The following DTNB variants were observed in gnomAD, a reference collection of about 807,000 sequenced individuals.
DTNB encodes DTN-B.
DTNB carries 63 observed loss-of-function variants against 90.7 expected under a neutral mutation model. The ratio of observed to expected loss-of-function variants is 0.69; its 90% CI spans 0.57 to 0.86. The LOEUF is 0.86. Among genes scored for constraint, DTNB ranks in the 40% least tolerant of loss-of-function variants. DTNB has a pLI of 0.00. For synonymous variants in DTNB, 277 were observed against 286.7 expected, an observed-to-expected ratio of 0.97 and a Z score of 0.34; for missense variants, 744 against 807.1, an observed-to-expected ratio of 0.92 and a Z score of 0.95.
intron 9 of DTNB, among the ~76,000 whole-genome samples, chr2:25,507,697 G>C (rs1402756154): frequency 6.6e-6 from 1 of 151,968 alleles, no homozygotes; most frequent in Admixed American, 6.6e-5. Context: ...TCTCTACAGC[G>C]GCCAGAAAGA....
chr2:25,634,273 CGGGA>C (rs1158803045), intron 3 of DTNB, among the ~76,000 whole-genome samples: 3 of 127,452 alleles, frequency 2.4e-5, no homozygotes, highest in Non-Finnish European at 3.5e-5. Flanking sequence ...CCGCCCCGTC[CGGGA>C]GGGAGGTGGG....
At chr2:25,653,346 T>C (rs1301054149) in intron 1 of DTNB, among the ~76,000 whole-genome samples, 2 of 151,280 alleles carry the variant, frequency 1.3e-5, no homozygotes, top group African/African-American at 2.4e-5. Context: ...GCTGCTGCCA[T>C]GTAAAAAGTG....
intron 16 of DTNB, 192 bp downstream of exon 16, chr2:25,419,323 T>A: frequency 1.3e-6 from 1 of 777,442 alleles, no homozygotes; most frequent in Middle Eastern, 2.3e-4. Flanking sequence ...AGTAAGAACA[T>A]GCTCTACTGG....
At chr2:25,628,757 C>T (rs964112838) in intron 3 of DTNB, among the ~76,000 whole-genome samples, 10 of 152,298 alleles carry the variant, frequency 6.6e-5, no homozygotes, top group South Asian at 2.1e-4. Flanking sequence ...TACTGTATTA[C>T]TTTAGCCGAG....
chr2:25,450,538 T>C (rs751879488), intron 12 of DTNB, among the ~76,000 whole-genome samples: 22 of 152,208 alleles, frequency 1.4e-4, no homozygotes, highest in Admixed American at 3.9e-4. Context: ...CTAGGTCCTT[T>C]GGTTCTCCAA....
Position 25,639,095 on chromosome 2 carries a change from C to A in DTNB, c.68-1G>T. ...CGTATGACATCAAAATTCTGAGCAC[C>A]TGAAAAAAGGCAAACAGAAATGCTC... On this transcript the variant is annotated splice_acceptor_variant, in intron 2 of 20. Transcript: ENST00000406818. LOFTEE classifies it high-confidence loss of function. 1 of 1,570,858 alleles carries A rather than the reference C, an allele frequency of 6.4e-7. No homozygotes were observed. The highest frequency in any genetic ancestry group is 2.3e-5 in the East Asian group (1 of 43,918).
chr2:25,422,362 T>C (rs1265350013), intron 15 of DTNB, among the ~76,000 whole-genome samples: 1 of 151,404 alleles, frequency 6.6e-6, no homozygotes, highest in Non-Finnish European at 1.5e-5. Context: ...GCAGAATTCA[T>C]CTGGTAAATG....
At chr2:25,463,172 T>C (rs1482351816) in intron 10 of DTNB, among the ~76,000 whole-genome samples, 2 of 152,192 alleles carry the variant, frequency 1.3e-5, no homozygotes, top group Non-Finnish European at 2.9e-5. Context: ...AATAGAACTC[T>C]TGATTCTTTC....
intron 9 of DTNB, among the ~76,000 whole-genome samples, chr2:25,514,525 G>A (rs866929681): frequency 7.5e-6 from 1 of 133,358 alleles, no homozygotes; most frequent in South Asian, 2.3e-4. Flanking sequence ...GACATGTGCT[G>A]GGTTATGTCA....
At chr2:25,473,798 C>T (rs555939107) in intron 10 of DTNB, among the ~76,000 whole-genome samples, 1 of 152,300 alleles carries the variant, frequency 6.6e-6, no homozygotes, top group African/African-American at 2.4e-5. Flanking sequence ...CCTCACTTTT[C>T]CTCGCCCCAC....
In DTNB at chr2:25,590,330, AG is replaced by A. The variant is rs567512186; in HGVS notation, c.603+5755del. On this transcript the variant is annotated intron_variant, in intron 6 of 20. Coordinates refer to ENST00000406818, the MANE Select transcript of DTNB (RefSeq NM_021907.5). ...GGTCCCGAGTTCCTGTCCCGTACCCAGGAAGACTGAGGTATGTGGAAAAGTG... is the reference window on the plus strand; with the variant it reads ...GGTCCCGAGTTCCTGTCCCGTACCCAGAAGACTGAGGTATGTGGAAAAGTG... Among the ~76,000 whole-genome samples, 230 of 152,318 alleles carry A rather than the reference AG, an allele frequency of 1.5e-3. 3 individuals are homozygous for A. The highest frequency in any genetic ancestry group is 4.5e-3 in the African/African-American group (187 of 41,562).
intron 14 of DTNB, among the ~76,000 whole-genome samples, chr2:25,432,031 G>A (rs1470511341): frequency 6.6e-6 from 1 of 151,908 alleles, no homozygotes; most frequent in Non-Finnish European, 1.5e-5. Context: ...AACATCTACA[G>A]AAAACAATAA....
intron 9 of DTNB, among the ~76,000 whole-genome samples, chr2:25,523,897 C>CTT (rs869167435): frequency 1.9e-4 from 22 of 115,828 alleles, no homozygotes; most frequent in South Asian, 5.4e-4. Flanking sequence ...GTCATCTGTA[C>CTT]TTTTTTTTTT....
intron 8 of DTNB, among the ~76,000 whole-genome samples, chr2:25,550,424 A>G (rs1029825225): frequency 2.0e-5 from 3 of 152,048 alleles, no homozygotes; most frequent in African/African-American, 7.3e-5. Flanking sequence ...AAACAAACAA[A>G]AAAAAACACG....
intron 9 of DTNB, among the ~76,000 whole-genome samples, chr2:25,508,291 T>C (rs1424928914): frequency 6.6e-6 from 1 of 152,126 alleles, no homozygotes; most frequent in African/African-American, 2.4e-5. Context: ...AATCTGAAGA[T>C]AACGAAAGGA....
At chr2:25,440,344 G>C (rs2150038057) in intron 12 of DTNB, among the ~76,000 whole-genome samples, 1 of 152,346 alleles carries the variant, frequency 6.6e-6, no homozygotes, top group African/African-American at 2.4e-5. Context: ...ATGAGTTGGA[G>C]ACTCCATAGA....
At position 25,564,409 on chromosome 2, in the gene DTNB, C is replaced by T. The variant is rs1248122242; in HGVS notation, c.876+12429G>A. 2.0e-5 allele frequency among the ~76,000 whole-genome samples: 3 copies of T among 152,048 alleles called. No homozygotes were observed. The East Asian group carries it at 5.8e-4, about 29-fold the overall frequency. ...TTTGTTATTTTTTTTGAGATGGAGT[C>T]TCTCTCTGTCACCCACGATGGAGCA... is the stretch of plus-strand genomic sequence containing the variant. On this transcript the variant is annotated intron_variant, in intron 8 of 20. Coordinates refer to ENST00000406818, the MANE Select transcript of DTNB (RefSeq NM_021907.5).
intron 4 of DTNB, 118 bp from the exon 5 acceptor site, chr2:25,607,439 TACC>T: frequency 1.0e-6 from 1 of 974,208 alleles, no homozygotes; most frequent in African/African-American, 1.7e-5. Context: ...GTTACAATTT[TACC>T]ACATTTAGAA....
At chr2:25,482,542 C>T (rs2065179320) in intron 10 of DTNB, among the ~76,000 whole-genome samples, 1 of 152,068 alleles carries the variant, frequency 6.6e-6, no homozygotes, top group Admixed American at 6.6e-5. Flanking sequence ...GCCACCACTG[C>T]TTGTCACAAA....
Sources: gnomAD v4.1 joint callset for allele counts (sites outside exome capture counted in the v4.1 genomes callset) on GRCh38, gnomAD v4.1.1 for gene constraint, MANE v1.5 for transcripts, NCBI Gene and HGNC (gene_info 2026-07-23, HGNC 2026-07-21) for gene names.